The following HUWE1 variants were observed in gnomAD, a reference collection of about 807,000 sequenced individuals.
The protein encoded by HUWE1 is E3 ubiquitin-protein ligase HUWE1.
HUWE1 carries 18 observed loss-of-function variants against 299.4 expected under a neutral mutation model. That is an observed-to-expected ratio of 0.06 (90% CI 0.04 to 0.09). HUWE1 has a LOEUF of 0.09. Among genes scored for constraint, HUWE1 ranks in the 10% least tolerant of loss-of-function variants. The probability of loss-of-function intolerance (pLI) is 1.00; values close to 1 mark genes in which losing one functional copy is unlikely to be tolerated. For missense variants in HUWE1, 1,832 were observed against 3,462.3 expected, an observed-to-expected ratio of 0.53 and a Z score of 11.82; for synonymous variants, 1,317 against 1,286.1, an observed-to-expected ratio of 1.02 and a Z score of -0.51.
chrX:53,614,821 GCGTTTT>G, intron 22 of HUWE1, 76 bp from the exon 23 acceptor site: 1 of 697,853 alleles, frequency 1.4e-6, no homozygotes, highest in Admixed American at 2.6e-5. Flanking sequence ...CATATTTAGA[GCGTTTT>G]CTATGTGTTG....
intron 43 of HUWE1, among the ~76,000 whole-genome samples, chrX:53,578,784 G>A (rs1255175594): frequency 1.5e-5 from 1 of 65,793 alleles, no homozygotes; most frequent in Non-Finnish European, 2.8e-5. Flanking sequence ...CCGGCCAGCC[G>A]CCCCGTCTGG....
At chrX:53,625,314 A>T in intron 17 of HUWE1, 56 bp from the exon 18 acceptor site, 1 of 833,565 alleles carries the variant, frequency 1.2e-6, no homozygotes, top group Middle Eastern at 2.8e-4. Flanking sequence ...AACCACAATG[A>T]TCAAGCACAT....
chrX:53,591,159 G>A (rs1281357587), intron 33 of HUWE1, 37 bp from the exon 34 acceptor site: 5 of 1,196,143 alleles, frequency 4.2e-6, no homozygotes, highest in Admixed American at 4.4e-5. Context: ...ATCACATAAC[G>A]GAAATCCAAA....
intron 42 of HUWE1, among the ~76,000 whole-genome samples, chrX:53,582,175 T>C (rs1204909423): frequency 1.7e-4 from 19 of 112,431 alleles, no homozygotes; most frequent in Admixed American, 7.5e-4. Context: ...ACTTTAAAAG[T>C]TTTCCCTCAT....
chrX:53,661,034 C>T (rs1238396488), intron 3 of HUWE1, among the ~76,000 whole-genome samples: 1 of 96,897 alleles, frequency 1.0e-5, no homozygotes, highest in Non-Finnish European at 2.1e-5. Context: ...ATGCGATTCA[C>T]TTTTTTTTTT....
chrX:53,575,447 A>T (rs2063055757), intron 45 of HUWE1, among the ~76,000 whole-genome samples, 196 bp downstream of exon 45: 1 of 111,534 alleles, frequency 9.0e-6, no homozygotes, highest in Non-Finnish European at 1.9e-5. Flanking sequence ...AAAAAAAATT[A>T]AAGAACAGTT....
intron 2 of HUWE1, among the ~76,000 whole-genome samples, chrX:53,684,383 C>G (rs2070363641): frequency 8.9e-6 from 1 of 111,983 alleles, no homozygotes; most frequent in Non-Finnish European, 1.9e-5. Context: ...AAGGGAGGAA[C>G]CCTCCCGTCC....
chrX:53,568,299 G>A (rs191426563), intron 49 of HUWE1, among the ~76,000 whole-genome samples: 1 of 111,377 alleles, frequency 9.0e-6, no homozygotes, highest in African/African-American at 3.3e-5. Context: ...ATCATATCAT[G>A]TTAGTAAAGA....
intron 3 of HUWE1, among the ~76,000 whole-genome samples, chrX:53,659,520 G>A: frequency 8.9e-6 from 1 of 112,172 alleles, no homozygotes; most frequent in East Asian, 2.8e-4. Flanking sequence ...AAAAAGATCA[G>A]TGGTTGAGGA....
intron 7 of HUWE1, among the ~76,000 whole-genome samples, chrX:53,640,204 T>C (rs782408653): frequency 9.0e-6 from 1 of 111,240 alleles, no homozygotes; most frequent in South Asian, 3.8e-4. Context: ...ACAAAAAATA[T>C]AAAAAATTAG....
At chrX:53,683,988 A>G in intron 2 of HUWE1, 1 of 296,374 alleles carries the variant, frequency 3.4e-6, no homozygotes, top group Non-Finnish European at 5.9e-6. Context: ...TACTGCAGTC[A>G]GTAACCGAGC....
At position 53,624,300 on chromosome X, in the gene HUWE1, T is replaced by C. The variant is rs370693151; in HGVS notation, c.1672+295A>G. On this transcript the variant is annotated intron_variant, in intron 19 of 83. Transcript: ENST00000262854. Reference sequence around the variant, plus strand: ...ATGCCCGGCCTCTCTGTGTTTTATATCCTTGCAGGATTTTACTATTCATAT... The same window carrying C: ...ATGCCCGGCCTCTCTGTGTTTTATACCCTTGCAGGATTTTACTATTCATAT... Among the ~76,000 whole-genome samples the C allele has an allele frequency of 7.2e-5, 8 of 111,755 alleles. No individual in the cohort carries two copies. The East Asian group carries it at 2.2e-3, about 31-fold the overall frequency.
At chrX:53,628,058 C>T (rs2066632430) in intron 15 of HUWE1, among the ~76,000 whole-genome samples, 179 bp from the exon 16 acceptor site, 1 of 111,343 alleles carries the variant, frequency 9.0e-6, no homozygotes, top group African/African-American at 3.3e-5. Flanking sequence ...GCGACTCAAC[C>T]TCTGAGGTAA....
chrX:53,620,031 C>A lies in HUWE1; in HGVS notation c.1673-2585G>T, dbSNP rs141707298. 9.3e-3 allele frequency among the ~76,000 whole-genome samples: 1,042 copies of A among 111,773 alleles called. 12 individuals are homozygous for A. The highest frequency in any genetic ancestry group is 0.032 in the African/African-American group (990 of 30,735). Reference sequence around the variant, plus strand: ...AATTTTATTGGGCCACTGCCCCAATCTGCTGGCACAAATCGCTATGCCCTC... The same window carrying A: ...AATTTTATTGGGCCACTGCCCCAATATGCTGGCACAAATCGCTATGCCCTC... On this transcript the variant is annotated intron_variant, in intron 19 of 83. Coordinates refer to ENST00000262854, the MANE Select transcript of HUWE1 (RefSeq NM_031407.7).
Position 53,608,881 on chromosome X carries a change from T to C in HUWE1, c.2290A>G (p.Ile764Val). The change falls in exon 24 of 84, where the codon ATT becomes GTT. Residue 764 changes from isoleucine (I) to valine (V), a missense_variant. By Grantham distance (29) the Ile-to-Val change is conservative. This residue lies in a region of HUWE1 where 658 missense variants were observed against 1,282.6 expected (regional missense o/e 0.51). Coordinates refer to ENST00000262854, the MANE Select transcript of HUWE1 (RefSeq NM_031407.7). ...QVVGTEERIP[I>V]PLMDYILNVM... Reference sequence around the variant, plus strand: ...TTAAGGATGTAATCCATGAGGGGAATAGGAATACGTTCCTCTGTACCAACA... The same window carrying C: ...TTAAGGATGTAATCCATGAGGGGAACAGGAATACGTTCCTCTGTACCAACA... 2 of 1,174,114 alleles carry C rather than the reference T, an allele frequency of 1.7e-6. No individual in the cohort carries two copies. The highest frequency in any genetic ancestry group is 2.3e-6 in the Non-Finnish European group (2 of 861,078).
rs781871818 is a variant in HUWE1, at chrX:53,593,448, T to C, written c.3657A>G (p.Pro1219=). ...CAGGCAATTTGGCAGGCAGCGAATG[T>C]GGAGATTCAAGCACCGTGGTGGGAT... is the stretch of plus-strand genomic sequence containing the variant. The part of the protein sequence containing the change: ...MVNPTTVLES[P]HSLPAKLPGG... Residue 1219 remains proline (P), a synonymous_variant, in exon 32 of 84, where the codon CCA becomes CCG. Transcript: ENST00000262854. 1 of 1,211,546 alleles carries C rather than the reference T, an allele frequency of 8.3e-7. No homozygotes were observed. Among genetic ancestry groups the C allele is most frequent in the South Asian group, 1.8e-5 (1 of 56,976 alleles).
chrX:53,539,338 A>G (rs1337915551), intron 75 of HUWE1, among the ~76,000 whole-genome samples: 2 of 106,348 alleles, frequency 1.9e-5, no homozygotes, highest in African/African-American at 6.8e-5. Context: ...AAAAAAAAAA[A>G]AAAAAAGAAA....
At position 53,557,131 on chromosome X, in the gene HUWE1, A is replaced by G. The variant is rs367915543; in HGVS notation, c.8206+251T>C. ...ATGACCTCATTACCCATGCCAGAAC[A>G]AAGTAGATAATAACCAGAACAAGAA... On this transcript the variant is annotated intron_variant, in intron 60 of 83. Coordinates refer to ENST00000262854, the MANE Select transcript of HUWE1 (RefSeq NM_031407.7). 1.1e-3 allele frequency: 519 copies of G among 488,630 alleles called. 1 individual carries two copies. Among genetic ancestry groups the G allele is most frequent in the South Asian group, 9.4e-3 (343 of 36,497 alleles). The allele number at this position is 488,630 out of a possible 1,213,427, so 40.3% of individuals were successfully genotyped here. A position where few individuals can be genotyped will look rare whatever the true frequency, so the allele number is the denominator to read the frequency against.
At chrX:53,618,204 G>A (rs111404376) in intron 19 of HUWE1, among the ~76,000 whole-genome samples, 1,738 of 111,366 alleles carry the variant, frequency 0.016, 37 homozygotes, top group African/African-American at 0.055. Context: ...AAGGATAAAC[G>A]AAGCCAATAT....
Sources: gnomAD v4.1 joint callset for allele counts (sites outside exome capture counted in the v4.1 genomes callset) on GRCh38, gnomAD v4.1.1 for gene constraint, gnomAD v4.1.1 regional missense constraint, MANE v1.5 for transcripts, NCBI Gene and HGNC (gene_info 2026-07-23, HGNC 2026-07-21) for gene names.